The following DLG2 variants were observed in gnomAD, a reference collection of about 807,000 sequenced individuals.
DLG2 encodes the protein discs large MAGUK scaffold protein 2.
A neutral mutation model predicts 132.5 loss-of-function variants in DLG2; 45 were observed. The observed-to-expected ratio is 0.34, with a 90% CI of 0.27 to 0.44. The LOEUF is 0.44. DLG2 is among the 20% of genes least tolerant of loss of function. The pLI, the probability that DLG2 is intolerant of heterozygous loss-of-function variation, is 1.00. For synonymous variants in DLG2, 424 were observed against 419.6 expected (o/e 1.01, Z -0.13); for missense variants, 1,045 against 1,196.9 (o/e 0.87, Z 1.87).
chr11:84,255,818 T>G (rs1225690614), intron 7 of DLG2, among the ~76,000 whole-genome samples: 1 of 152,106 alleles, frequency 6.6e-6, no homozygotes, highest in Non-Finnish European at 1.5e-5. Flanking sequence ...CTAGGCAAGA[T>G]TTTTGAAACT....
At chr11:85,003,638 A>T (rs1406226038) in intron 6 of DLG2, among the ~76,000 whole-genome samples, 1 of 152,110 alleles carries the variant, frequency 6.6e-6, no homozygotes, top group Non-Finnish European at 1.5e-5. Context: ...GAAAAAAATG[A>T]GACCTTCTTT....
intron 19 of DLG2, among the ~76,000 whole-genome samples, chr11:83,600,662 A>G (rs1474053936): frequency 1.3e-5 from 2 of 152,242 alleles, no homozygotes; most frequent in Non-Finnish European, 2.9e-5. Context: ...CCTGGGGTGC[A>G]TTACTGCCCA....
At chr11:84,907,024 G>A (rs1452548854) in intron 6 of DLG2, among the ~76,000 whole-genome samples, 1 of 152,080 alleles carries the variant, frequency 6.6e-6, no homozygotes, top group Admixed American at 6.5e-5. Flanking sequence ...TTTCAAAATA[G>A]AATTTTTAAA....
At chr11:84,453,895 G>A (rs1157103876) in intron 7 of DLG2, among the ~76,000 whole-genome samples, 1 of 151,602 alleles carries the variant, frequency 6.6e-6, no homozygotes, top group Non-Finnish European at 1.5e-5. Context: ...TGTTAGCTAT[G>A]TTGAGGATCA....
At chr11:85,287,266 A>G in intron 3 of DLG2, among the ~76,000 whole-genome samples, 1 of 152,094 alleles carries the variant, frequency 6.6e-6, no homozygotes, top group Non-Finnish European at 1.5e-5. Flanking sequence ...ATAATTTCAC[A>G]GCACACAGAC....
At chr11:83,804,593 C>CACACACACACACACACAG (rs2045425158) in intron 17 of DLG2, among the ~76,000 whole-genome samples, 1 of 151,640 alleles carries the variant, frequency 6.6e-6, no homozygotes, top group Non-Finnish European at 1.5e-5. Flanking sequence ...CACACACACA[C>CACACACACACACACACAG]ACACACACAC....
chr11:83,791,805 G>C (rs917035913), intron 17 of DLG2, among the ~76,000 whole-genome samples: 1 of 152,184 alleles, frequency 6.6e-6, no homozygotes, highest in East Asian at 1.9e-4. Flanking sequence ...TCCCAGGACC[G>C]GCGTGACTGC....
intron 2 of DLG2, among the ~76,000 whole-genome samples, chr11:85,608,393 T>C (rs902199618): frequency 1.3e-5 from 2 of 152,188 alleles, no homozygotes; most frequent in African/African-American, 4.8e-5. Flanking sequence ...GAGGGAAGTA[T>C]AACTTACAAT....
chr11:84,198,861 C>T (rs1385000804), intron 8 of DLG2, among the ~76,000 whole-genome samples: 1 of 152,082 alleles, frequency 6.6e-6, no homozygotes, highest in Non-Finnish European at 1.5e-5. Context: ...TTTTGTAGGA[C>T]TACTGATATG....
intron 7 of DLG2, among the ~76,000 whole-genome samples, chr11:84,461,927 G>A (rs1003870090): frequency 2.0e-5 from 3 of 150,530 alleles, no homozygotes; most frequent in Non-Finnish European, 3.0e-5. Flanking sequence ...TAAATGAATG[G>A]GTGAATGAGT....
chr11:85,125,913 C>T (rs772320334), intron 5 of DLG2, among the ~76,000 whole-genome samples: 1 of 152,014 alleles, frequency 6.6e-6, no homozygotes, highest in Non-Finnish European at 1.5e-5. Flanking sequence ...AAAATAATCA[C>T]ACAAATCAGT....
At chr11:84,327,934 T>C (rs1323578779) in intron 7 of DLG2, among the ~76,000 whole-genome samples, 2 of 152,192 alleles carry the variant, frequency 1.3e-5, no homozygotes, top group Non-Finnish European at 2.9e-5. Context: ...ATTTATTCAA[T>C]TGTATTGATT....
intron 3 of DLG2, among the ~76,000 whole-genome samples, chr11:85,476,146 C>T (rs377121940): frequency 8.5e-5 from 13 of 152,096 alleles, no homozygotes; most frequent in East Asian, 5.8e-4. Context: ...AGGCTACAAA[C>T]CTGTACAGCA....
chr11:84,496,281 GA>G (rs2154500380), intron 7 of DLG2, among the ~76,000 whole-genome samples: 1 of 152,278 alleles, frequency 6.6e-6, no homozygotes, highest in Admixed American at 6.5e-5. Context: ...ACTCGCTGAT[GA>G]ACAATGACTA....
intron 10 of DLG2, among the ~76,000 whole-genome samples, chr11:84,074,801 T>A (rs975148508): frequency 6.6e-6 from 1 of 152,206 alleles, no homozygotes; most frequent in Non-Finnish European, 1.5e-5. Context: ...GTGTTGGGAT[T>A]ACAGGCTTGA....
chr11:84,160,605 A>G (rs1326463765), intron 9 of DLG2, among the ~76,000 whole-genome samples: 1 of 152,150 alleles, frequency 6.6e-6, no homozygotes, highest in Non-Finnish European at 1.5e-5. Context: ...ACATAGGGTC[A>G]GGGGACGGTT....
intron 6 of DLG2, among the ~76,000 whole-genome samples, chr11:84,739,999 T>C (rs548451362): frequency 1.3e-5 from 2 of 151,962 alleles, no homozygotes; most frequent in African/African-American, 2.4e-5. Context: ...AACCAGATTC[T>C]CAGCCTCACA....
At chr11:83,713,129 T>C (rs943524652) in intron 18 of DLG2, among the ~76,000 whole-genome samples, 15 of 152,200 alleles carry the variant, frequency 9.9e-5, no homozygotes, top group Non-Finnish European at 1.2e-4. Context: ...TTTCCTCCTT[T>C]AATCTTTTTA....
chr11:83,787,600 C>T (rs552409892), intron 17 of DLG2, among the ~76,000 whole-genome samples: 140 of 152,028 alleles, frequency 9.2e-4, no homozygotes, highest in African/African-American at 3.2e-3. Flanking sequence ...GGATTACAGG[C>T]GTGAGCCACC....
Sources: gnomAD v4.1 joint callset for allele counts (sites outside exome capture counted in the v4.1 genomes callset) on GRCh38, gnomAD v4.1.1 for gene constraint, MANE v1.5 for transcripts, NCBI Gene and HGNC (gene_info 2026-07-23, HGNC 2026-07-21) for gene names.